RALYL: variants seen among roughly 807,000 people sequenced by gnomAD.
RALYL encodes the protein RALY RNA binding protein like.
A neutral mutation model predicts 35.1 loss-of-function variants in RALYL; 29 were observed. The observed-to-expected ratio is 0.83, with a 90% CI of 0.61 to 1.13. The LOEUF (loss-of-function observed/expected upper bound fraction) is 1.13. Among genes scored for constraint, RALYL ranks in the 50% most tolerant of loss-of-function variants. The probability of loss-of-function intolerance (pLI) is 0.00; values close to 1 mark genes in which losing one functional copy is unlikely to be tolerated. For synonymous variants in RALYL, 120 were observed against 127.6 expected (o/e 0.94, Z 0.40); for missense variants, 359 against 360.4 (o/e 1.00, Z 0.03).
intron 1 of RALYL, among the ~76,000 whole-genome samples, chr8:84,480,779 T>G (rs1303795984): frequency 6.6e-6 from 1 of 152,146 alleles, no homozygotes; most frequent in East Asian, 1.9e-4. Flanking sequence ...TACAGATTTC[T>G]CATTCTGAGT....
chr8:84,640,705 C>A (rs1403475965), intron 2 of RALYL, among the ~76,000 whole-genome samples: 1 of 151,830 alleles, frequency 6.6e-6, no homozygotes, highest in Non-Finnish European at 1.5e-5. Flanking sequence ...AGGAAAGAGT[C>A]ACCTCAAGCT....
chr8:84,464,068 A>T (rs137962309), intron 1 of RALYL, among the ~76,000 whole-genome samples: 323 of 151,526 alleles, frequency 2.1e-3, no homozygotes, highest in African/African-American at 7.3e-3. Context: ...TTTTTTATTA[A>T]TATATTTTTA....
At chr8:84,199,050 G>C (rs1341338156) in intron 1 of RALYL, among the ~76,000 whole-genome samples, 1 of 151,978 alleles carries the variant, frequency 6.6e-6, no homozygotes, top group Non-Finnish European at 1.5e-5. Flanking sequence ...TTTGTTTTTA[G>C]TTTTTTTGAG....
intron 2 of RALYL, among the ~76,000 whole-genome samples, chr8:84,575,343 ATAACT>A (rs527309144): frequency 2.2e-3 from 341 of 152,344 alleles, no homozygotes; most frequent in African/African-American, 7.4e-3. Context: ...AATTTTAAAC[ATAACT>A]TAAGATAATT....
intron 1 of RALYL, among the ~76,000 whole-genome samples, chr8:84,508,006 T>C (rs2057316690): frequency 6.6e-6 from 1 of 152,152 alleles, no homozygotes; most frequent in South Asian, 2.1e-4. Flanking sequence ...AAATAAACAC[T>C]TGTTAACTTG....
At chr8:84,195,414 C>T (rs1416678791) in intron 1 of RALYL, among the ~76,000 whole-genome samples, 1 of 151,968 alleles carries the variant, frequency 6.6e-6, no homozygotes, top group Non-Finnish European at 1.5e-5. Flanking sequence ...CACTCCAGCC[C>T]AGCGACAGAG....
intron 1 of RALYL, chr8:84,184,972 G>A (rs747309413): frequency 1.2e-6 from 2 of 1,613,618 alleles, no homozygotes; most frequent in East Asian, 2.2e-5. Flanking sequence ...GCCCTCGCAC[G>A]CTCAACTCCT....
intron 7 of RALYL, among the ~76,000 whole-genome samples, chr8:84,882,736 C>A (rs1049616029): frequency 6.6e-6 from 1 of 151,980 alleles, no homozygotes; most frequent in African/African-American, 2.4e-5. Context: ...CACATACACA[C>A]AAACACACAT....
Position 84,881,175 on chromosome 8 carries a change from A to C in RALYL, c.686-6429A>C, listed in dbSNP as rs189765206. 4.1e-3 allele frequency among the ~76,000 whole-genome samples: 628 copies of C among 152,100 alleles called. 2 individuals carry two copies. The highest frequency in any genetic ancestry group is 0.014 in the African/African-American group (592 of 41,554). On this transcript the variant is annotated intron_variant, in intron 7 of 8. Transcript: ENST00000521268. ...TATATTCATCTAAAACATTCTATGT[A>C]ATTTTCCTGATGTTCATTTATGTGG... is the stretch of plus-strand genomic sequence containing the variant.
chr8:84,376,797 C>T (rs73298730), intron 1 of RALYL, among the ~76,000 whole-genome samples: 4,469 of 151,836 alleles, frequency 0.029, 206 homozygotes, highest in African/African-American at 0.1. Flanking sequence ...ATATTAGTTT[C>T]TGACCTTGGG....
At chr8:84,436,337 A>G (rs2047707987) in intron 1 of RALYL, among the ~76,000 whole-genome samples, 1 of 152,102 alleles carries the variant, frequency 6.6e-6, no homozygotes, top group Non-Finnish European at 1.5e-5. Context: ...GAAGCCAAGA[A>G]TAAAATTCCT....
rs554983629 is a variant in RALYL, at chr8:84,281,801, G to A, written c.-24+97377G>A. On this transcript the variant is annotated intron_variant, in intron 1 of 8. Transcript: ENST00000521268. Reference sequence around the variant, plus strand: ...AATCTCTAAGTGTATGTGTGTGTGTGTATATATATATTTACACACACATAC... The same window carrying A: ...AATCTCTAAGTGTATGTGTGTGTGTATATATATATATTTACACACACATAC... 1.2e-3 allele frequency among the ~76,000 whole-genome samples: 179 copies of A among 151,818 alleles called. 1 individual carries two copies. The highest frequency in any genetic ancestry group is 3.8e-3 in the African/African-American group (157 of 41,400).
chr8:84,591,260 A>G (rs145116576), intron 2 of RALYL, among the ~76,000 whole-genome samples: 287 of 152,312 alleles, frequency 1.9e-3, no homozygotes, highest in African/African-American at 3.8e-3. Context: ...TGCTGATTGA[A>G]TACCTGAGAC....
intron 2 of RALYL, among the ~76,000 whole-genome samples, chr8:84,700,673 A>T (rs139657979): frequency 2.8e-4 from 43 of 152,340 alleles, no homozygotes; most frequent in African/African-American, 1.0e-3. Context: ...GAGGTGTTGA[A>T]TGAAATGACA....
chr8:84,707,855 T>C (rs564286957), intron 2 of RALYL, among the ~76,000 whole-genome samples: 103 of 152,230 alleles, frequency 6.8e-4, no homozygotes, highest in African/African-American at 2.4e-3. Flanking sequence ...TGCATTCCAA[T>C]GCGTAAACAG....
At chr8:84,539,886 A>ATGTGTGTG (rs371636213) in intron 2 of RALYL, among the ~76,000 whole-genome samples, 3 of 86,884 alleles carry the variant, frequency 3.5e-5, no homozygotes, top group Non-Finnish European at 4.7e-5. Context: ...ATGTATATAT[A>ATGTGTGTG]TGTGTGTGTG....
intron 1 of RALYL, among the ~76,000 whole-genome samples, chr8:84,359,608 T>C (rs1010208805): frequency 1.3e-5 from 2 of 152,118 alleles, no homozygotes; most frequent in Non-Finnish European, 2.9e-5. Context: ...CTAAAATCAC[T>C]GTAGAATAAA....
chr8:84,597,111 C>T (rs927500002), intron 2 of RALYL, among the ~76,000 whole-genome samples: 3 of 152,278 alleles, frequency 2.0e-5, no homozygotes, highest in African/African-American at 7.2e-5. Context: ...CTGACTAAGA[C>T]AGTGAAGTTT....
chr8:84,803,933 C>T (rs928009273), intron 3 of RALYL, among the ~76,000 whole-genome samples: 1 of 152,160 alleles, frequency 6.6e-6, no homozygotes. Flanking sequence ...ACATTTCACC[C>T]TTAATTGTAT....
Sources: gnomAD v4.1 joint callset for allele counts (sites outside exome capture counted in the v4.1 genomes callset) on GRCh38, gnomAD v4.1.1 for gene constraint, MANE v1.5 for transcripts, NCBI Gene and HGNC (gene_info 2026-07-23, HGNC 2026-07-21) for gene names.